Variants in MTCL2 observed in about 807,000 individuals in gnomAD.
The protein encoded by MTCL2 is microtubule crosslinking factor 2.
At chr20:36,789,806 T>C in the MTCL2 span, among the ~76,000 whole-genome samples, 2 of 152,124 alleles carry the variant, frequency 1.3e-5, no homozygotes, top group African/African-American at 2.4e-5. Flanking sequence ...ACTTGCTTTT[T>C]TCCTGCCTTG....
the MTCL2 span, chr20:36,805,805 A>C: frequency 6.7e-7 from 1 of 1,482,584 alleles, no homozygotes. Flanking sequence ...CTGAGCAGAC[A>C]AAGGAATGAA....
the MTCL2 span, among the ~76,000 whole-genome samples, chr20:36,809,247 A>G: frequency 6.6e-6 from 1 of 152,336 alleles, no homozygotes; most frequent in South Asian, 2.1e-4. Flanking sequence ...CTCTCTGGGC[A>G]TCAGTTTCCC....
the MTCL2 span, among the ~76,000 whole-genome samples, chr20:36,824,346 T>A: frequency 6.6e-6 from 1 of 152,180 alleles, no homozygotes; most frequent in South Asian, 2.1e-4. Context: ...TAAAGAGGAA[T>A]GAGGTCCTGC....
At chr20:36,797,410 G>C in the MTCL2 span, 1 of 1,324,752 alleles carries the variant, frequency 7.5e-7, no homozygotes, top group South Asian at 1.3e-5. Context: ...TATGAGACAG[G>C]GTTAGCAACT....
the MTCL2 span, chr20:36,803,213 C>A: frequency 6.9e-7 from 1 of 1,452,420 alleles, no homozygotes; most frequent in South Asian, 1.4e-5. Context: ...GAGAGGTCCC[C>A]TCAGAAGACC....
chr20:36,858,036 G>C, the MTCL2 span, among the ~76,000 whole-genome samples: 1 of 152,182 alleles, frequency 6.6e-6, no homozygotes, highest in East Asian at 1.9e-4. Flanking sequence ...TTAGCCTAGA[G>C]CCTGGCCCAT....
chr20:36,786,260 C>G, the MTCL2 span: 3 of 1,232,078 alleles, frequency 2.4e-6, no homozygotes, highest in East Asian at 3.6e-5. Flanking sequence ...CTCTCCCACT[C>G]ACTGCCTTCC....
chr20:36,857,181 G>C, the MTCL2 span, among the ~76,000 whole-genome samples: 1 of 152,304 alleles, frequency 6.6e-6, no homozygotes, highest in African/African-American at 2.4e-5. Flanking sequence ...CCGCCTACAT[G>C]TGTACTTCTG....
chr20:36,838,459 G>A, the MTCL2 span, among the ~76,000 whole-genome samples: 1 of 152,110 alleles, frequency 6.6e-6, no homozygotes, highest in Admixed American at 6.5e-5. Flanking sequence ...GCCAGGTGTG[G>A]TGGTGTGTGC....
chr20:36,796,230 C>T, the MTCL2 span, among the ~76,000 whole-genome samples: 1 of 152,238 alleles, frequency 6.6e-6, no homozygotes, highest in African/African-American at 2.4e-5. Context: ...CTCTGATTAA[C>T]TTCAAGAGGC....
chr20:36,815,781 T>TCCAGCTCGTGCTCCGAGCGGAACTTGG, the MTCL2 span: 2 of 1,591,488 alleles, frequency 1.3e-6, no homozygotes, highest in Non-Finnish European at 1.7e-6. The surrounding 1 kb of genome is among the most constrained non-coding windows in gnomAD (Gnocchi z 5.3). Flanking sequence ...CAGCGCCACG[T>TCCAGCTCGTGCTCCGAGCGGAACTTGG]CCAGCTCGTG....
At chr20:36,784,827 A>G in the MTCL2 span, 1 of 985,564 alleles carries the variant, frequency 1.0e-6, no homozygotes. Context: ...CAGGCTGGTG[A>G]GAACCGAGGC....
chr20:36,787,354 A>C, the MTCL2 span, among the ~76,000 whole-genome samples: 1 of 151,876 alleles, frequency 6.6e-6, no homozygotes, highest in East Asian at 1.9e-4. Flanking sequence ...CAGCCTCCCA[A>C]GTAGCTAAGA....
the MTCL2 span, chr20:36,794,731 T>G: frequency 6.0e-6 from 7 of 1,174,588 alleles, no homozygotes; most frequent in African/African-American, 9.1e-5. This position sits in a 1 kb window ranked among gnomAD's most constrained non-coding sequence, Gnocchi z 5.4. Context: ...CTTGTAGAGA[T>G]GTTGTTGGTG....
chr20:36,841,472 C>T, the MTCL2 span, among the ~76,000 whole-genome samples: 1 of 151,796 alleles, frequency 6.6e-6, no homozygotes, highest in East Asian at 1.9e-4. Context: ...ACAAAAGAGA[C>T]ATTTGAGCTG....
the MTCL2 span, among the ~76,000 whole-genome samples, chr20:36,858,582 A>T: frequency 6.6e-6 from 1 of 151,966 alleles, no homozygotes; most frequent in Non-Finnish European, 1.5e-5. Flanking sequence ...ATGTATTAAC[A>T]TTCTAAAACT....
At chr20:36,813,708 G>A in the MTCL2 span, among the ~76,000 whole-genome samples, 1 of 130,036 alleles carries the variant, frequency 7.7e-6, no homozygotes, top group Non-Finnish European at 1.6e-5. Context: ...AGCTGAGATC[G>A]TGCCACCGCA....
At chr20:36,847,041 G>A in the MTCL2 span, among the ~76,000 whole-genome samples, 1 of 152,160 alleles carries the variant, frequency 6.6e-6, no homozygotes, top group Admixed American at 6.6e-5. Flanking sequence ...CTATTAGGAG[G>A]CTCACTAATT....
the MTCL2 span, among the ~76,000 whole-genome samples, chr20:36,787,969 G>A: frequency 6.6e-6 from 1 of 150,476 alleles, no homozygotes; most frequent in African/African-American, 2.5e-5. Context: ...GGGAGGCTAT[G>A]GCAGGTGGAT....
Sources: gnomAD v4.1 joint callset for allele counts (sites outside exome capture counted in the v4.1 genomes callset) on GRCh38, gnomAD v4.1.1 for gene constraint, Gnocchi (gnomAD v3.1) non-coding constraint, MANE v1.5 for transcripts, NCBI Gene and HGNC (gene_info 2026-07-23, HGNC 2026-07-21) for gene names.